CYP2J2: variants seen among roughly 807,000 people sequenced by gnomAD.
CYP2J2 encodes cytochrome P450 family 2 subfamily J member 2.
A neutral mutation model predicts 48.8 loss-of-function variants in CYP2J2; 41 were observed. The ratio of observed to expected loss-of-function variants is 0.84; its 90% CI spans 0.66 to 1.09. The LOEUF is 1.09. Ranked by LOEUF, CYP2J2 falls within the 50% of genes least tolerant of loss-of-function variation. The probability of loss-of-function intolerance (pLI) is 0.00; values close to 1 mark genes in which losing one functional copy is unlikely to be tolerated. For synonymous variants in CYP2J2, 221 were observed against 227.1 expected (o/e 0.97, Z 0.24); for missense variants, 644 against 617.3 (o/e 1.04, Z -0.46).
chr1:59,927,238 C>T (rs1234747880), upstream of CYP2J2, among the ~76,000 whole-genome samples: 2 of 152,134 alleles, frequency 1.3e-5, no homozygotes, highest in Non-Finnish European at 2.9e-5. Flanking sequence ...CAAATAAATC[C>T]ACCCTTCTGA....
the CYP2J2 span, among the ~76,000 whole-genome samples, chr1:59,964,752 C>T: frequency 6.6e-6 from 1 of 152,200 alleles, no homozygotes; most frequent in Non-Finnish European, 1.5e-5. Flanking sequence ...TTCATTACAA[C>T]CTTTCAGATT....
chr1:59,950,846 G>A, the CYP2J2 span, among the ~76,000 whole-genome samples: 8 of 152,120 alleles, frequency 5.3e-5, no homozygotes, highest in Admixed American at 3.9e-4. Flanking sequence ...CCTTCTGTCC[G>A]CATGGTCTCT....
At chr1:59,901,198 C>T in intron 7 of CYP2J2, 95 bp from the exon 8 acceptor site, 1 of 1,305,908 alleles carries the variant, frequency 7.7e-7, no homozygotes, top group Non-Finnish European at 1.1e-6. Flanking sequence ...TTGCCGGGGG[C>T]CTGAACATAC....
chr1:59,909,216 T>C (rs946986128), intron 5 of CYP2J2, among the ~76,000 whole-genome samples: 2 of 152,182 alleles, frequency 1.3e-5, no homozygotes, highest in African/African-American at 4.8e-5. Flanking sequence ...GCCCCTATTT[T>C]TACTCCTGTA....
upstream of CYP2J2, among the ~76,000 whole-genome samples, chr1:59,930,669 G>A (rs1644598409): frequency 6.6e-6 from 1 of 151,718 alleles, no homozygotes; most frequent in African/African-American, 2.4e-5. Context: ...TATGATTTGT[G>A]AATGTTTTCT....
At chr1:59,963,333 C>T in the CYP2J2 span, among the ~76,000 whole-genome samples, 1 of 152,170 alleles carries the variant, frequency 6.6e-6, no homozygotes, top group African/African-American at 2.4e-5. Context: ...ACTCTGTACT[C>T]GTTAAGCCAT....
At chr1:59,951,911 T>A in the CYP2J2 span, among the ~76,000 whole-genome samples, 2 of 152,270 alleles carry the variant, frequency 1.3e-5, no homozygotes, top group Non-Finnish European at 2.9e-5. Flanking sequence ...TTTAATCAAA[T>A]CTCCTACCCC....
upstream of CYP2J2, among the ~76,000 whole-genome samples, chr1:59,930,405 T>C (rs1313976453): frequency 6.6e-6 from 1 of 152,180 alleles, no homozygotes; most frequent in African/African-American, 2.4e-5. Context: ...CACCACTTCA[T>C]CTGTATTTGT....
the CYP2J2 span, among the ~76,000 whole-genome samples, chr1:59,969,173 A>T: frequency 6.6e-6 from 1 of 152,218 alleles, no homozygotes; most frequent in African/African-American, 2.4e-5. Context: ...ACAGAGAAAG[A>T]ACAAAACTTC....
chr1:59,926,327 A>G (rs1294290167), intron 1 of CYP2J2, among the ~76,000 whole-genome samples: 2 of 152,240 alleles, frequency 1.3e-5, no homozygotes, highest in Admixed American at 6.5e-5. Flanking sequence ...TAAACATTTA[A>G]TAATATTCCA....
the CYP2J2 span, among the ~76,000 whole-genome samples, chr1:59,940,845 G>A: frequency 1.3e-5 from 2 of 152,148 alleles, no homozygotes; most frequent in Admixed American, 6.5e-5. Flanking sequence ...CAATATGGAT[G>A]GAACTGGAAG....
At position 59,896,121 on chromosome 1, in the gene CYP2J2, T is replaced by C. The variant is rs11572324; in HGVS notation, c.1331-2292A>G. Among the ~76,000 whole-genome samples, 734 of 152,240 alleles carry C rather than the reference T, an allele frequency of 4.8e-3. 4 individuals are homozygous for C. Among genetic ancestry groups the C allele is most frequent in the African/African-American group, 0.016 (667 of 41,548 alleles). On this transcript the variant is annotated intron_variant, in intron 8 of 8. Coordinates refer to ENST00000371204, the MANE Select transcript of CYP2J2 (RefSeq NM_000775.4). ...CCAGCCCTGGAATCAGCCATTTTTT[T>C]CCAAAAGTCCTGGTTTCTTTTAGTG...
rs139087440 is a variant in CYP2J2, at chr1:59,909,877, C to A, written c.768G>T (p.Leu256Phe). ...GTTTGTCAATCATATGAGAAACAAACAATTTCAGTTTTTTCCAGTTGCTGA... is the reference window on the plus strand; with the variant it reads ...GTTTGTCAATCATATGAGAAACAAAAAATTTCAGTTTTTTCCAGTTGCTGA... ...TLFSNWKKLKLFVSHMIDKHR... is the reference protein window; with the variant it reads ...TLFSNWKKLKFFVSHMIDKHR... Residue 256 changes from leucine (L) to phenylalanine (F), a missense_variant, in exon 5 of 9, where the codon TTG becomes TTT. Leu to Phe is a conservative substitution (Grantham distance 22). Coordinates refer to ENST00000371204, the MANE Select transcript of CYP2J2 (RefSeq NM_000775.4). 8.1e-6 allele frequency: 13 copies of A among 1,611,944 alleles called. No individual in the cohort carries two copies. The highest frequency in any genetic ancestry group is 1.1e-5 in the Non-Finnish European group (13 of 1,179,148).
chr1:59,909,725 C>A, intron 5 of CYP2J2, 59 bp downstream of exon 5: 1 of 1,329,400 alleles, frequency 7.5e-7, no homozygotes, highest in Non-Finnish European at 1.0e-6. Flanking sequence ...CAGTTGGAAA[C>A]TAATATACCT....
At chr1:59,921,580 T>G (rs953068102) in intron 1 of CYP2J2, among the ~76,000 whole-genome samples, 1 of 152,036 alleles carries the variant, frequency 6.6e-6, no homozygotes, top group African/African-American at 2.4e-5. Context: ...CGCCCTTATC[T>G]TGCCACGGCT....
At chr1:59,942,735 G>A in the CYP2J2 span, among the ~76,000 whole-genome samples, 1 of 151,990 alleles carries the variant, frequency 6.6e-6, no homozygotes, top group African/African-American at 2.4e-5. Context: ...GCAGAGGGAG[G>A]GAAGAAAAGC....
the CYP2J2 span, among the ~76,000 whole-genome samples, chr1:59,957,681 G>GACACAC: frequency 1.5e-5 from 2 of 137,242 alleles, no homozygotes; most frequent in Admixed American, 7.0e-5. Flanking sequence ...CAGACACACA[G>GACACAC]ACACACACAC....
At chr1:59,921,051 C>T (rs1644508371) in intron 1 of CYP2J2, among the ~76,000 whole-genome samples, 1 of 152,116 alleles carries the variant, frequency 6.6e-6, no homozygotes, top group African/African-American at 2.4e-5. Flanking sequence ...GGTTTCCATT[C>T]AGTGATCCAA....
At chr1:59,930,848 A>AT (rs1457470260), upstream of CYP2J2, among the ~76,000 whole-genome samples, 1 of 152,182 alleles carries the variant, frequency 6.6e-6, no homozygotes, top group Admixed American at 6.5e-5. Flanking sequence ...TTGAAAGAAA[A>AT]TGACCCTAGG....
Sources: gnomAD v4.1 joint callset for allele counts (sites outside exome capture counted in the v4.1 genomes callset) on GRCh38, gnomAD v4.1.1 for gene constraint, MANE v1.5 for transcripts, NCBI Gene and HGNC (gene_info 2026-07-23, HGNC 2026-07-21) for gene names.